Variants in TAFA1 observed in about 807,000 individuals in gnomAD.
TAFA1 encodes TAFA chemokine like family member 1, also known as chemokine-like protein TAFA-1.
Under a neutral mutation model 18.5 loss-of-function variants are expected in TAFA1, and 4 were observed. The ratio of observed to expected loss-of-function variants is 0.22; its 90% CI spans 0.11 to 0.49. The LOEUF (loss-of-function observed/expected upper bound fraction) is 0.49. Among genes scored for constraint, TAFA1 ranks in the 20% least tolerant of loss-of-function variants. The pLI is 0.98. For synonymous variants in TAFA1, 56 were observed against 55.2 expected, an observed-to-expected ratio of 1.01 and a Z score of -0.06; for missense variants, 147 against 169.0, an observed-to-expected ratio of 0.87 and a Z score of 0.72.
intron 3 of TAFA1, among the ~76,000 whole-genome samples, chr3:68,431,130 G>A (rs952148139): frequency 4.0e-5 from 6 of 151,830 alleles, no homozygotes; most frequent in Admixed American, 6.6e-5. Context: ...ACCAAAGGAC[G>A]CCTGACCAGC....
chr3:68,291,431 G>A (rs2068106292), intron 2 of TAFA1, among the ~76,000 whole-genome samples: 1 of 152,008 alleles, frequency 6.6e-6, no homozygotes, highest in African/African-American at 2.4e-5. Flanking sequence ...CCAAAACAAG[G>A]TGAGTAGTAT....
At chr3:68,225,827 A>T (rs1030237552) in intron 2 of TAFA1, among the ~76,000 whole-genome samples, 10 of 152,150 alleles carry the variant, frequency 6.6e-5, no homozygotes, top group Non-Finnish European at 1.2e-4. Flanking sequence ...AGCCTCAGAT[A>T]ACCTATCTGT....
chr3:68,154,368 A>C (rs2065841337), intron 2 of TAFA1, among the ~76,000 whole-genome samples: 1 of 152,166 alleles, frequency 6.6e-6, no homozygotes, highest in Non-Finnish European at 1.5e-5. Context: ...AAAACTGATA[A>C]ATGTAATTTC....
intron 2 of TAFA1, among the ~76,000 whole-genome samples, chr3:68,065,374 A>G (rs530776586): frequency 5.3e-5 from 8 of 152,156 alleles, no homozygotes; most frequent in Admixed American, 6.6e-5. Context: ...GATTTTCTCA[A>G]CTAGAAAGAG....
At chr3:68,311,645 T>C (rs553356216) in intron 2 of TAFA1, among the ~76,000 whole-genome samples, 1 of 152,338 alleles carries the variant, frequency 6.6e-6, no homozygotes, top group Non-Finnish European at 1.5e-5. Context: ...ATGCAAGAGG[T>C]GGGTTCCCAT....
At chr3:68,360,511 A>G (rs551733811) in intron 2 of TAFA1, among the ~76,000 whole-genome samples, 2 of 152,136 alleles carry the variant, frequency 1.3e-5, no homozygotes, top group African/African-American at 4.8e-5. Context: ...AAAAGGGCAC[A>G]AAGTAGAGTA....
At position 68,092,936 on chromosome 3, in the gene TAFA1, TA is replaced by T. The variant is rs1297194663; in HGVS notation, c.118+86194del. The stretch of plus-strand genomic sequence containing the variant: ...TGAACAAGGCTGGCTGGGAAAAACT[TA>T]ATTTTAAGTATTTTATTACCTGCTA... On this transcript the variant is annotated intron_variant, in intron 2 of 4. Coordinates refer to ENST00000478136, the MANE Select transcript of TAFA1 (RefSeq NM_213609.4). Among the ~76,000 whole-genome samples, 4 of 152,170 alleles carry T rather than the reference TA, an allele frequency of 2.6e-5. 1 individual carries two copies. The highest frequency in any genetic ancestry group is 5.9e-5 in the Non-Finnish European group (4 of 68,016).
intron 2 of TAFA1, among the ~76,000 whole-genome samples, chr3:68,129,568 T>C (rs1364902875): frequency 3.3e-5 from 5 of 152,232 alleles, no homozygotes; most frequent in Admixed American, 2.6e-4. Flanking sequence ...ATGCCTTATG[T>C]CTTGGACCTA....
chr3:68,284,425 C>T (rs764856054), intron 2 of TAFA1, among the ~76,000 whole-genome samples: 2 of 152,140 alleles, frequency 1.3e-5, no homozygotes, highest in East Asian at 1.9e-4. Context: ...TTAAAAAAAA[C>T]TTTTTGGCAA....
At chr3:68,526,023 G>A (rs771957154) in intron 3 of TAFA1, among the ~76,000 whole-genome samples, 1 of 152,138 alleles carries the variant, frequency 6.6e-6, no homozygotes, top group Non-Finnish European at 1.5e-5. Context: ...GAGAAACAAT[G>A]TATCTCCTTT....
intron 2 of TAFA1, among the ~76,000 whole-genome samples, chr3:68,230,076 G>T (rs918983636): frequency 6.6e-6 from 1 of 152,004 alleles, no homozygotes; most frequent in Non-Finnish European, 1.5e-5. Context: ...GTATAATTGG[G>T]ATATCCATCA....
At chr3:68,383,094 G>T (rs2070010956) in intron 2 of TAFA1, among the ~76,000 whole-genome samples, 2 of 152,170 alleles carry the variant, frequency 1.3e-5, no homozygotes, top group Non-Finnish European at 2.9e-5. Flanking sequence ...AGCTTAAGGA[G>T]CCTTTGGGCT....
intron 2 of TAFA1, among the ~76,000 whole-genome samples, chr3:68,354,134 T>C (rs2069320918): frequency 6.8e-6 from 1 of 146,536 alleles, no homozygotes; most frequent in Admixed American, 7.0e-5. Context: ...CTACATTTTA[T>C]TTGAATTTCA....
intron 2 of TAFA1, among the ~76,000 whole-genome samples, chr3:68,077,326 G>T (rs2064837868): frequency 7.7e-6 from 1 of 129,228 alleles, no homozygotes; most frequent in South Asian, 2.9e-4. Flanking sequence ...GATCCCATTT[G>T]TCAATTTTGG....
At chr3:68,507,437 A>T (rs902213306) in intron 3 of TAFA1, among the ~76,000 whole-genome samples, 51 of 152,078 alleles carry the variant, frequency 3.4e-4, no homozygotes, top group Non-Finnish European at 3.8e-4. Context: ...ATATAACATG[A>T]TTACCAGGTT....
At chr3:68,061,256 G>T (rs1469868286) in intron 2 of TAFA1, among the ~76,000 whole-genome samples, 1 of 152,150 alleles carries the variant, frequency 6.6e-6, no homozygotes, top group African/African-American at 2.4e-5. Context: ...GTGTCAGGTT[G>T]AGAGTTGTGT....
At chr3:67,999,319 G>T (rs1034776822), upstream of TAFA1, among the ~76,000 whole-genome samples, 1 of 143,534 alleles carries the variant, frequency 7.0e-6, no homozygotes, top group African/African-American at 2.6e-5. Context: ...GTGTGTCTAC[G>T]TTGGAGGGAG....
chr3:68,102,000 C>A (rs1255764072), intron 2 of TAFA1, among the ~76,000 whole-genome samples: 2 of 151,980 alleles, frequency 1.3e-5, no homozygotes, highest in Admixed American at 1.3e-4. Flanking sequence ...TAGGGTCAGA[C>A]CAATTTTTTA....
rs33967304 is a variant in TAFA1 at position 68,112,094 on chromosome 3, G to GAA, written c.118+105358_118+105359dup. On this transcript the variant is annotated intron_variant, in intron 2 of 4. Coordinates refer to ENST00000478136, the MANE Select transcript of TAFA1 (RefSeq NM_213609.4). ...AAAATAACACAGTGAAGCACTGGAT[G>GAA]AAAAAAAAATGCTATACTCATATAG... Among the ~76,000 whole-genome samples the GAA allele has an allele frequency of 1.5e-3, 230 of 150,836 alleles. 2 individuals carry two copies. Among genetic ancestry groups the GAA allele is most frequent in the Admixed American group, 0.012 (186 of 15,142 alleles).
Sources: gnomAD v4.1 joint callset for allele counts (sites outside exome capture counted in the v4.1 genomes callset) on GRCh38, gnomAD v4.1.1 for gene constraint, MANE v1.5 for transcripts, NCBI Gene and HGNC (gene_info 2026-07-23, HGNC 2026-07-21) for gene names.